Variants in ZRANB1 observed in about 807,000 individuals in gnomAD.
The protein encoded by ZRANB1 is zinc finger RANBP2-type containing 1.
ZRANB1 carries 16 observed loss-of-function variants against 80.5 expected under a neutral mutation model. The observed-to-expected ratio is 0.20, with a 90% confidence interval of 0.13 to 0.30. ZRANB1 has a LOEUF of 0.30. ZRANB1 is among the 10% of genes least tolerant of loss of function. ZRANB1 has a pLI of 1.00. For missense variants in ZRANB1, 576 were observed against 862.6 expected (o/e 0.67, Z 4.16); for synonymous variants, 291 against 293.1 (o/e 0.99, Z 0.07).
Position 124,966,667 on chromosome 10 carries a change from C to T in ZRANB1, c.888C>T (p.Thr296=), listed in dbSNP as rs190052484. 92 of 1,614,102 alleles carry T rather than the reference C, an allele frequency of 5.7e-5. No individual in the cohort carries two copies. The highest frequency in any genetic ancestry group is 3.7e-4 in the Admixed American group (22 of 60,006). ...GAGGAGACATTGCACGTCAGCTCAC[C>T]GCAGATGAAGTACGCTTGCTGAATC... ...SSGGDIARQL[T]ADEVRLLNRP... is the part of the protein sequence containing the mutation. Residue 296 remains threonine, a synonymous_variant, in exon 2 of 9, where the codon ACC becomes ACT. Transcript: ENST00000359653.
the ZRANB1 span, among the ~76,000 whole-genome samples, chr10:124,932,613 G>C: frequency 6.6e-6 from 1 of 151,916 alleles, no homozygotes; most frequent in Non-Finnish European, 1.5e-5. Context: ...AGTTCCTGTT[G>C]CTCCACATTC....
At chr10:124,938,159 A>G (rs1172481999), upstream of ZRANB1, among the ~76,000 whole-genome samples, 1 of 152,152 alleles carries the variant, frequency 6.6e-6, no homozygotes, top group Admixed American at 6.5e-5. Flanking sequence ...GCTACTTTGG[A>G]AATAATTTTA....
the ZRANB1 span, among the ~76,000 whole-genome samples, chr10:124,920,145 A>G: frequency 7.0e-6 from 1 of 143,226 alleles, no homozygotes; most frequent in East Asian, 2.2e-4. Flanking sequence ...CTGGTCTCGA[A>G]CTCCTGACCT....
intron 1 of ZRANB1, among the ~76,000 whole-genome samples, chr10:124,950,696 T>C (rs1011363475): frequency 2.6e-5 from 4 of 151,992 alleles, no homozygotes; most frequent in African/African-American, 9.7e-5. Flanking sequence ...TCTGGATGGG[T>C]CTGGATATGG....
chr10:124,976,047 G>A (rs764328400), intron 5 of ZRANB1, among the ~76,000 whole-genome samples: 13 of 152,160 alleles, frequency 8.5e-5, no homozygotes, highest in Non-Finnish European at 1.3e-4. Context: ...GTAACAATTT[G>A]TGGGCACATT....
chr10:124,983,120 T>C lies in ZRANB1; in HGVS notation c.1549-55T>C. ...GGGAGGTAGTATTGTTTTTTACACA[T>C]CAGTTTTCCAGGAGTGGTAATAAAT... On this transcript the variant is annotated intron_variant, in intron 6 of 8. Transcript: ENST00000359653. The surrounding 1 kb of genome is among the most constrained non-coding windows in gnomAD (Gnocchi z 6.2). 6.4e-7 allele frequency: 1 copy of C among 1,560,332 alleles called. No homozygotes were observed. The highest frequency in any genetic ancestry group is 1.9e-5 in the Admixed American group (1 of 52,134).
chr10:124,979,543 TTC>T (rs1231931237), intron 5 of ZRANB1, among the ~76,000 whole-genome samples: 7 of 152,258 alleles, frequency 4.6e-5, no homozygotes, highest in Admixed American at 4.6e-4. Context: ...ATCAATGTTT[TTC>T]TGTTATTGCT....
intron 5 of ZRANB1, among the ~76,000 whole-genome samples, chr10:124,979,518 G>C (rs1951913688): frequency 6.6e-6 from 1 of 151,996 alleles, no homozygotes; most frequent in South Asian, 2.1e-4. Context: ...TCTTTAATTT[G>C]ATCAAGTTCA....
At chr10:124,941,496 G>A (rs187636875), upstream of ZRANB1, among the ~76,000 whole-genome samples, 4 of 152,086 alleles carry the variant, frequency 2.6e-5, no homozygotes, top group East Asian at 7.7e-4. Context: ...GGGATTACAG[G>A]CACCTACCAC....
At chr10:124,924,800 A>C in the ZRANB1 span, among the ~76,000 whole-genome samples, 1 of 151,878 alleles carries the variant, frequency 6.6e-6, no homozygotes, top group African/African-American at 2.4e-5. Context: ...GTAAGTTTTT[A>C]CTTCTCTTGG....
upstream of ZRANB1, among the ~76,000 whole-genome samples, chr10:124,938,699 T>G (rs1294791240): frequency 6.6e-6 from 1 of 150,466 alleles, no homozygotes; most frequent in Non-Finnish European, 1.5e-5. Flanking sequence ...ACACTGTACA[T>G]CATTACGTTT....
chr10:124,964,547 A>G (rs1951761969), intron 1 of ZRANB1, among the ~76,000 whole-genome samples: 2 of 152,226 alleles, frequency 1.3e-5, no homozygotes, highest in South Asian at 4.1e-4. Flanking sequence ...GAAATAAGAA[A>G]TAAACATGAA....
chr10:124,932,175 T>C, the ZRANB1 span, among the ~76,000 whole-genome samples: 2 of 152,212 alleles, frequency 1.3e-5, no homozygotes, highest in Non-Finnish European at 2.9e-5. Context: ...TAATATTCCA[T>C]TGTCTGGATG....
upstream of ZRANB1, among the ~76,000 whole-genome samples, chr10:124,940,037 C>CT (rs1406834352): frequency 7.9e-5 from 12 of 152,098 alleles, no homozygotes; most frequent in African/African-American, 2.4e-4. Flanking sequence ...GCTTTTTCTA[C>CT]TTTTTTGGAT....
chr10:124,986,201 A>T lies in ZRANB1; in HGVS notation c.*1209A>T, dbSNP rs1359138212. ...TAAAAATTTCAGACCTATCTCAGGA[A>T]CACAGAAATATTTGGTGTCCTGATA... On this transcript the variant is annotated 3_prime_UTR_variant, in exon 9 of 9. Transcript: ENST00000359653. 1 of 152,342 alleles carries T rather than the reference A, an allele frequency of 6.6e-6. No individual in the cohort carries two copies. The highest frequency in any genetic ancestry group is 2.1e-4 in the South Asian group (1 of 4,832). 9.4% of individuals were successfully genotyped at this position (152,342 alleles called of 1,614,324 possible).
chr10:124,947,712 G>A (rs1951596714), intron 1 of ZRANB1, among the ~76,000 whole-genome samples: 1 of 152,020 alleles, frequency 6.6e-6, no homozygotes, highest in Non-Finnish European at 1.5e-5. Context: ...TCATTCCATT[G>A]CTTGTGCCAA....
chr10:124,932,316 G>T, the ZRANB1 span, among the ~76,000 whole-genome samples: 2 of 126,802 alleles, frequency 1.6e-5, no homozygotes, highest in Non-Finnish European at 3.1e-5. Context: ...TTGAGATGGA[G>T]TCTCACTCTG....
chr10:124,975,607 T>C (rs2133988870), intron 5 of ZRANB1, among the ~76,000 whole-genome samples: 1 of 152,360 alleles, frequency 6.6e-6, no homozygotes, highest in South Asian at 2.1e-4. Flanking sequence ...TGTGGTATTT[T>C]TTTGGTTCTT....
intron 2 of ZRANB1, among the ~76,000 whole-genome samples, chr10:124,971,071 G>A (rs1031508338): frequency 7.2e-5 from 11 of 151,980 alleles, no homozygotes; most frequent in African/African-American, 2.4e-4. Flanking sequence ...CAATCCACCC[G>A]CCTCGGCCTC....
Sources: allele counts gnomAD v4.1 joint callset (sites outside exome capture counted in the v4.1 genomes callset), GRCh38; gene constraint gnomAD v4.1.1; non-coding constraint Gnocchi (gnomAD v3.1); transcripts MANE v1.5; gene names NCBI Gene and HGNC (gene_info 2026-07-23, HGNC 2026-07-21).